CNTNAP5: variants seen among roughly 807,000 people sequenced by gnomAD.
CNTNAP5 encodes contactin-associated protein-like 5.
Under a neutral mutation model 150.2 loss-of-function variants are expected in CNTNAP5, and 72 were observed. The observed-to-expected ratio is 0.48, with a 90% CI of 0.40 to 0.58. The LOEUF (loss-of-function observed/expected upper bound fraction) is 0.58, where lower values mean the gene tolerates loss of function less well. Ranked by LOEUF, CNTNAP5 falls within the 20% of genes least tolerant of loss-of-function variation. CNTNAP5 has a pLI of 0.00. For missense variants in CNTNAP5, 1,636 were observed against 1,626.2 expected (o/e 1.01, Z -0.10); for synonymous variants, 672 against 619.8 (o/e 1.08, Z -1.25).
chr2:124,847,858 T>C (rs2104700089), intron 19 of CNTNAP5, among the ~76,000 whole-genome samples: 1 of 152,312 alleles, frequency 6.6e-6, no homozygotes, highest in African/African-American at 2.4e-5. Flanking sequence ...ATAACCTTAA[T>C]GTTTACTTTT....
intron 1 of CNTNAP5, among the ~76,000 whole-genome samples, chr2:124,116,524 C>A (rs1048599095): frequency 2.0e-5 from 3 of 152,122 alleles, no homozygotes; most frequent in African/African-American, 4.8e-5. Context: ...TCGTTGTTTC[C>A]TTTCCCTTTG....
intron 1 of CNTNAP5, among the ~76,000 whole-genome samples, chr2:124,139,404 A>G (rs1457838297): frequency 6.6e-6 from 1 of 152,102 alleles, no homozygotes; most frequent in East Asian, 1.9e-4. Flanking sequence ...GAGAAGTTCA[A>G]TGACGCTCCC....
chr2:124,285,520 C>T lies in CNTNAP5; in HGVS notation c.381+43127C>T, dbSNP rs577015915. Among the ~76,000 whole-genome samples, 3 of 152,068 alleles carry T rather than the reference C, an allele frequency of 2.0e-5. No homozygotes were observed. In the East Asian group the frequency reaches 5.8e-4, roughly 29 times the overall value. ...CTCATAAAGAAAACCCTGGATGTGG[C>T]CTGGTGTGGTGGCTCACGCCCGTAA... On this transcript the variant is annotated intron_variant, in intron 3 of 23. Coordinates refer to ENST00000682447, the MANE Select transcript of CNTNAP5 (RefSeq NM_001367498.1).
At chr2:124,034,765 G>A (rs1196012722) in intron 1 of CNTNAP5, among the ~76,000 whole-genome samples, 1 of 152,186 alleles carries the variant, frequency 6.6e-6, no homozygotes, top group African/African-American at 2.4e-5. Flanking sequence ...GGGAAGGAGT[G>A]TGTGTGACAA....
At chr2:124,743,538 CA>C (rs1191391260) in intron 13 of CNTNAP5, among the ~76,000 whole-genome samples, 1 of 152,070 alleles carries the variant, frequency 6.6e-6, no homozygotes, top group Non-Finnish European at 1.5e-5. Context: ...TTTGGGGAGA[CA>C]GGGGTTGCAG....
At chr2:124,385,139 A>G (rs1690896374) in intron 3 of CNTNAP5, among the ~76,000 whole-genome samples, 1 of 152,190 alleles carries the variant, frequency 6.6e-6, no homozygotes, top group Admixed American at 6.5e-5. Context: ...ACATGAATTA[A>G]AGGTATGAAT....
intron 13 of CNTNAP5, among the ~76,000 whole-genome samples, chr2:124,668,438 T>C (rs1678744568): frequency 6.6e-6 from 1 of 152,164 alleles, no homozygotes; most frequent in South Asian, 2.1e-4. Context: ...TGTTGAATCA[T>C]TACTGTAAAG....
At chr2:124,386,102 G>A (rs1690919961) in intron 3 of CNTNAP5, among the ~76,000 whole-genome samples, 1 of 152,116 alleles carries the variant, frequency 6.6e-6, no homozygotes, top group South Asian at 2.1e-4. Flanking sequence ...CATTTCCTGT[G>A]GAGTGATGGG....
chr2:124,552,928 C>A (rs1695661122), intron 10 of CNTNAP5, among the ~76,000 whole-genome samples: 1 of 152,164 alleles, frequency 6.6e-6, no homozygotes, highest in African/African-American at 2.4e-5. Context: ...ATTTATTTAA[C>A]CATTCCCTAA....
At chr2:124,585,723 G>C (rs936377887) in intron 11 of CNTNAP5, among the ~76,000 whole-genome samples, 1 of 145,912 alleles carries the variant, frequency 6.9e-6, no homozygotes, top group South Asian at 2.2e-4. Context: ...TAGTACTTGG[G>C]GTATTGGTTT....
chr2:124,257,793 T>C (rs187122148), intron 3 of CNTNAP5, among the ~76,000 whole-genome samples: 42 of 152,248 alleles, frequency 2.8e-4, no homozygotes, highest in Middle Eastern at 3.4e-3. Context: ...AGAGTGATTT[T>C]GGAAAACAAA....
chr2:124,658,697 A>C (rs553125847), intron 13 of CNTNAP5, among the ~76,000 whole-genome samples: 4 of 152,310 alleles, frequency 2.6e-5, no homozygotes, highest in Admixed American at 2.6e-4. Context: ...CAAGAAAAAC[A>C]ATTTATTACT....
At chr2:124,184,829 G>C (rs951753203) in intron 1 of CNTNAP5, among the ~76,000 whole-genome samples, 2 of 152,128 alleles carry the variant, frequency 1.3e-5, no homozygotes, top group African/African-American at 2.4e-5. Context: ...ACCTAAGATG[G>C]AACCATACTT....
intron 10 of CNTNAP5, 139 bp from the exon 11 acceptor site, chr2:124,563,078 C>T: frequency 1.7e-6 from 1 of 605,150 alleles, no homozygotes. Context: ...TGATGTCATT[C>T]AATCTGCCTT....
At chr2:124,870,174 A>G (rs1391899661) in intron 21 of CNTNAP5, among the ~76,000 whole-genome samples, 1 of 151,074 alleles carries the variant, frequency 6.6e-6, no homozygotes, top group Non-Finnish European at 1.5e-5. Context: ...TTTCTATTGG[A>G]AGTTCTGTCA....
chr2:124,193,688 C>T (rs895706485), intron 1 of CNTNAP5, among the ~76,000 whole-genome samples: 3 of 152,236 alleles, frequency 2.0e-5, no homozygotes, highest in East Asian at 1.9e-4. Context: ...AAGGAGGGAG[C>T]GAAATTTCAC....
At chr2:124,408,782 G>A (rs1691665711) in intron 3 of CNTNAP5, among the ~76,000 whole-genome samples, 1 of 151,760 alleles carries the variant, frequency 6.6e-6, no homozygotes, top group African/African-American at 2.4e-5. Context: ...CACAAAGATG[G>A]GGAAAAAACA....
Position 124,147,910 on chromosome 2 carries a change from G to A in CNTNAP5, c.83-73795G>A, listed in dbSNP as rs577388129. ...AAAGGGAGAGTAGTGAGGCAGAAAT[G>A]TTTCTGAGATGCCGAATAAAGCCGG... On this transcript the variant is annotated intron_variant, in intron 1 of 23. Transcript: ENST00000682447. 2.6e-5 allele frequency among the ~76,000 whole-genome samples: 4 copies of A among 152,338 alleles called. No homozygotes were observed. In the South Asian group the frequency reaches 6.2e-4, roughly 24 times the overall value.
Position 124,867,578 on chromosome 2 carries a change from G to T in CNTNAP5, c.3349-2097G>T, listed in dbSNP as rs113447339. Among the ~76,000 whole-genome samples, 1,094 of 152,084 alleles carry T rather than the reference G, an allele frequency of 7.2e-3. 19 individuals carry two copies. Among genetic ancestry groups the T allele is most frequent in the African/African-American group, 0.024 (1,009 of 41,488 alleles). ...TTATTGCTTGCCCAATACAACTCTC[G>T]CCTGTTGATCCTTCTGCCTGTGTTA... is the stretch of plus-strand genomic sequence containing the variant. On this transcript the variant is annotated intron_variant, in intron 20 of 23. Coordinates refer to ENST00000682447, the MANE Select transcript of CNTNAP5 (RefSeq NM_001367498.1).
Sources: gnomAD v4.1 joint callset for allele counts (sites outside exome capture counted in the v4.1 genomes callset) on GRCh38, gnomAD v4.1.1 for gene constraint, MANE v1.5 for transcripts, NCBI Gene and HGNC (gene_info 2026-07-23, HGNC 2026-07-21) for gene names.